The following ZNF407 variants were observed in gnomAD, a reference collection of about 807,000 sequenced individuals.
ZNF407 encodes zinc finger protein 407.
In ZNF407, 17 loss-of-function variants were observed where a neutral mutation model predicts 131.2. That is an observed-to-expected ratio of 0.13 (90% CI 0.09 to 0.19). The LOEUF is 0.19. ZNF407 is among the 10% of genes least tolerant of loss of function. ZNF407 has a pLI of 1.00. For missense variants in ZNF407, 2,681 were observed against 2,830.6 expected, an observed-to-expected ratio of 0.95 and a Z score of 1.20; for synonymous variants, 1,156 against 1,062.0, an observed-to-expected ratio of 1.09 and a Z score of -1.72.
chr18:75,040,925 T>C (rs1221526758), intron 8 of ZNF407, among the ~76,000 whole-genome samples: 2 of 152,350 alleles, frequency 1.3e-5, no homozygotes, highest in South Asian at 2.1e-4. Context: ...TTACTAATGC[T>C]GTGTCCTGCT....
In ZNF407 at chr18:75,064,427, A is replaced by G. The variant is rs1177159140; in HGVS notation, c.6706A>G (p.Ile2236Val). 6.6e-7 allele frequency: 1 copy of G among 1,516,582 alleles called. No individual in the cohort carries two copies. The highest frequency in any genetic ancestry group is 8.8e-7 in the Non-Finnish European group (1 of 1,132,108). The allele number at this position is 1,516,582 out of a possible 1,614,324, so 93.9% of individuals were successfully genotyped here. The change falls in exon 9 of 9, where the codon ATT becomes GTT. Residue 2236 changes from isoleucine (I) to valine (V), a missense_variant. Ile to Val is a conservative substitution (Grantham distance 29). Around this residue, in one of 6 missense-constraint regions of ZNF407, gnomAD observed 620 missense variants for 583.1 expected, o/e 1.06. Coordinates refer to ENST00000299687, the MANE Select transcript of ZNF407 (RefSeq NM_017757.3). ...TQEGSSAAAA[I>V]QSQRESSELQ... ...GGAGGGCTCCTCGGCCGCGGCGGCA[A>G]TTCAGAGCCAAAGAGAAAGCAGCGA...
intron 8 of ZNF407, among the ~76,000 whole-genome samples, chr18:75,060,531 A>C (rs1349801985): frequency 9.7e-6 from 1 of 103,228 alleles, no homozygotes; most frequent in Non-Finnish European, 1.8e-5. Context: ...TTTGCGACGG[A>C]GTCTCGCTCT....
In ZNF407 at chr18:74,647,259, A is replaced by G. The variant is rs533600365; in HGVS notation, c.4802+6137A>G. Among the ~76,000 whole-genome samples the G allele has an allele frequency of 2.0e-3, 311 of 152,256 alleles. 2 individuals carry two copies. Among genetic ancestry groups the G allele is most frequent in the African/African-American group, 7.1e-3 (296 of 41,560 alleles). The stretch of plus-strand genomic sequence containing the variant: ...GGAATTTGAGATCAGCCTGAGCAAC[A>G]TAGGGAGACCCTGTCTTTACAAAAA... On this transcript the variant is annotated intron_variant, in intron 3 of 8. Transcript: ENST00000299687.
intron 8 of ZNF407, among the ~76,000 whole-genome samples, chr18:74,940,961 A>C (rs1450979820): frequency 6.6e-6 from 1 of 152,124 alleles, no homozygotes; most frequent in African/African-American, 2.4e-5. Flanking sequence ...ACATAAAATG[A>C]ACTTTCTTTC....
At chr18:74,874,960 G>A (rs1164738939) in intron 4 of ZNF407, among the ~76,000 whole-genome samples, 1 of 152,172 alleles carries the variant, frequency 6.6e-6, no homozygotes, top group Non-Finnish European at 1.5e-5. Context: ...GCAAGATAGA[G>A]CTGTATGCAT....
At chr18:74,742,327 T>A (rs977560700) in intron 3 of ZNF407, among the ~76,000 whole-genome samples, 1 of 152,178 alleles carries the variant, frequency 6.6e-6, no homozygotes, top group Non-Finnish European at 1.5e-5. Context: ...AAATTAACAA[T>A]CTGGAAGAAC....
chr18:74,938,310 C>T (rs1233262780), intron 8 of ZNF407, among the ~76,000 whole-genome samples: 5 of 152,160 alleles, frequency 3.3e-5, no homozygotes, highest in Admixed American at 2.0e-4. Flanking sequence ...ACCAAATTTT[C>T]GTCATATACT....
In ZNF407 at chr18:74,635,795, T is replaced by C. The variant is rs1984435671; in HGVS notation, c.4687+89T>C. 2 of 1,495,430 alleles carry C rather than the reference T, an allele frequency of 1.3e-6. No individual in the cohort carries two copies. The highest frequency in any genetic ancestry group is 4.6e-5 in the East Asian group (2 of 43,846). The allele number at this position is 1,495,430 out of a possible 1,614,324, so 92.6% of individuals were successfully genotyped here. On this transcript the variant is annotated intron_variant, in intron 2 of 8. Coordinates refer to ENST00000299687, the MANE Select transcript of ZNF407 (RefSeq NM_017757.3). The surrounding 1 kb of genome is among the most constrained non-coding windows in gnomAD (Gnocchi z 4.7). The stretch of plus-strand genomic sequence containing the variant: ...TGCAGCCCTACCTGTGGCTGCTCAT[T>C]GGCTTTCCACCCGGTTCACATTTCA...
At chr18:74,882,255 G>C (rs1210022363) in intron 6 of ZNF407, among the ~76,000 whole-genome samples, 1 of 152,054 alleles carries the variant, frequency 6.6e-6, no homozygotes. Flanking sequence ...TGTGTGCCTG[G>C]GACAGTGCTA....
At chr18:74,860,540 C>A (rs953445968) in intron 4 of ZNF407, among the ~76,000 whole-genome samples, 1 of 150,452 alleles carries the variant, frequency 6.6e-6, no homozygotes, top group Non-Finnish European at 1.5e-5. Flanking sequence ...AAAATGAAAT[C>A]GTCTATTTTC....
intron 4 of ZNF407, among the ~76,000 whole-genome samples, chr18:74,861,421 A>C (rs1208721261): frequency 6.6e-6 from 1 of 152,194 alleles, no homozygotes; most frequent in Non-Finnish European, 1.5e-5. Context: ...CACTTAGCGG[A>C]ATGTGCTGCA....
rs572288241 is a variant in ZNF407 at position 74,821,976 on chromosome 18, A to C, written c.4877+40474A>C. The stretch of plus-strand genomic sequence containing the variant: ...ATGATTGCCCATGATAACTGGTGTG[A>C]GATGGTACCTCATTGTGGTTTTGAT... On this transcript the variant is annotated intron_variant, in intron 4 of 8. Coordinates refer to ENST00000299687, the MANE Select transcript of ZNF407 (RefSeq NM_017757.3). 2.6e-5 allele frequency among the ~76,000 whole-genome samples: 4 copies of C among 152,304 alleles called. No individual in the cohort carries two copies. The South Asian group carries it at 8.3e-4, about 32-fold the overall frequency.
At chr18:75,002,638 T>TA (rs768878620) in intron 8 of ZNF407, among the ~76,000 whole-genome samples, 10 of 151,768 alleles carry the variant, frequency 6.6e-5, no homozygotes, top group South Asian at 2.1e-4. Flanking sequence ...CCGTCTCTAC[T>TA]AAAAAAATAC....
intron 4 of ZNF407, among the ~76,000 whole-genome samples, chr18:74,867,910 G>A (rs986715417): frequency 2.0e-5 from 3 of 152,196 alleles, no homozygotes; most frequent in African/African-American, 7.2e-5. Flanking sequence ...TGCCAGTTTA[G>A]TATATTGTTT....
At position 74,632,028 on chromosome 18, in the gene ZNF407, C is replaced by A. The variant is rs1984122530; in HGVS notation, c.1009C>A (p.Gln337Lys). 1.2e-6 allele frequency: 2 copies of A among 1,613,806 alleles called. No individual in the cohort carries two copies. The highest frequency in any genetic ancestry group is 1.7e-6 in the Non-Finnish European group (2 of 1,179,846). Reference protein sequence around the residue: ...FKDFRGSISKQSGSSSELLVE... With the variant: ...FKDFRGSISKKSGSSSELLVE... Reference sequence around the variant, plus strand: ...AGATTTCAGAGGAAGTATTTCTAAACAAAGTGGTAGTAGCAGTGAGCTTCT... The same window carrying A: ...AGATTTCAGAGGAAGTATTTCTAAAAAAAGTGGTAGTAGCAGTGAGCTTCT... Residue 337 changes from glutamine (Q) to lysine (K), a missense_variant, in exon 2 of 9, where the codon CAA (glutamine) becomes AAA (lysine). This residue lies in a region of ZNF407 where 1,789 missense variants were observed against 1,748.7 expected (regional missense o/e 1.02). Transcript: ENST00000299687.
At chr18:74,737,622 A>C (rs1053737576) in intron 3 of ZNF407, among the ~76,000 whole-genome samples, 2 of 152,186 alleles carry the variant, frequency 1.3e-5, no homozygotes, top group African/African-American at 2.4e-5. Context: ...ATACATACGC[A>C]GACACACACC....
At chr18:74,836,008 G>GA (rs572896349) in intron 4 of ZNF407, among the ~76,000 whole-genome samples, 335 of 129,712 alleles carry the variant, frequency 2.6e-3, no homozygotes, top group Middle Eastern at 0.02. Context: ...GACCCTTATG[G>GA]AAAAAAAAAA....
At chr18:74,977,721 G>A (rs965927091) in intron 8 of ZNF407, among the ~76,000 whole-genome samples, 5 of 152,186 alleles carry the variant, frequency 3.3e-5, no homozygotes, top group African/African-American at 7.2e-5. Flanking sequence ...CCCTCTCTGC[G>A]AGATCCCCAC....
chr18:74,994,868 C>T (rs1972762180), intron 8 of ZNF407, among the ~76,000 whole-genome samples: 2 of 152,026 alleles, frequency 1.3e-5, no homozygotes, highest in African/African-American at 4.8e-5. Context: ...AGATTTTTTT[C>T]TACAATTGAT....
Sources: allele counts gnomAD v4.1 joint callset (sites outside exome capture counted in the v4.1 genomes callset), GRCh38; gene constraint gnomAD v4.1.1; regional missense constraint gnomAD v4.1.1; non-coding constraint Gnocchi (gnomAD v3.1); transcripts MANE v1.5; gene names NCBI Gene and HGNC (gene_info 2026-07-23, HGNC 2026-07-21).